Variants in DPEP1 observed in about 807,000 individuals in gnomAD.
DPEP1 encodes the protein dipeptidase 1, also known as beta-lactamase.
Under a neutral mutation model 42.3 loss-of-function variants are expected in DPEP1, and 50 were observed. The observed-to-expected ratio is 1.18, with a 90% CI of 0.94 to 1.50. DPEP1 has a LOEUF of 1.50. Ranked by LOEUF, DPEP1 falls within the 40% of genes most tolerant of loss-of-function variation. The pLI, the probability that DPEP1 is intolerant of heterozygous loss-of-function variation, is 0.00. For synonymous variants in DPEP1, 297 were observed against 234.0 expected (o/e 1.27, Z -2.46); for missense variants, 663 against 553.0 (o/e 1.20, Z -1.99).
intron 1 of DPEP1, among the ~76,000 whole-genome samples, chr16:89,618,075 AT>A (rs1331957254): frequency 6.6e-6 from 1 of 152,202 alleles, no homozygotes; most frequent in Non-Finnish European, 1.5e-5. Context: ...GTCAAGAAAA[AT>A]TAAAATTTTA....
rs911499586 is a variant in DPEP1 at position 89,614,169 on chromosome 16, C to T, written c.-107+450C>T. On this transcript the variant is annotated intron_variant, in intron 1 of 10. Coordinates refer to ENST00000690203, the MANE Select transcript of DPEP1 (RefSeq NM_001389466.1). ...GTGGGAGAGCTGCTCTCAGACCCGC[C>T]GCTGTCCTCCCACTGGCCCTCCCCG... Among the ~76,000 whole-genome samples, 9 of 152,184 alleles carry T rather than the reference C, an allele frequency of 5.9e-5. No individual in the cohort carries two copies. In the East Asian group the frequency reaches 1.2e-3, roughly 20 times the overall value.
intron 1 of DPEP1, among the ~76,000 whole-genome samples, chr16:89,621,683 G>C (rs937490368): frequency 6.6e-6 from 1 of 152,232 alleles, no homozygotes; most frequent in African/African-American, 2.4e-5. Flanking sequence ...AAGGGCTCAG[G>C]TGAGCAGGTG....
intron 1 of DPEP1, among the ~76,000 whole-genome samples, chr16:89,628,894 T>G (rs1053078093): frequency 4.6e-5 from 7 of 151,812 alleles, no homozygotes; most frequent in African/African-American, 1.7e-4. Context: ...TGGCATGATC[T>G]TGGCTCACAG....
rs757835615 is a variant in DPEP1 at position 89,637,446 on chromosome 16, C to T, written c.769-22C>T. 3.1e-6 allele frequency: 5 copies of T among 1,612,838 alleles called. No individual in the cohort carries two copies. In the South Asian group the frequency reaches 5.5e-5, roughly 18 times the overall value. On this transcript the variant is annotated intron_variant, in intron 7 of 10. Coordinates refer to ENST00000690203, the MANE Select transcript of DPEP1 (RefSeq NM_001389466.1). ...CAGGCCCTCCCAGCTCTCAGCTTCA[C>T]CCTGTCTTCCTTCTTGTGCAGAAAC...
chr16:89,640,436 T>C (rs1473306361), downstream of DPEP1, among the ~76,000 whole-genome samples: 3 of 152,094 alleles, frequency 2.0e-5, no homozygotes, highest in African/African-American at 7.2e-5. Flanking sequence ...AGCCAAGCCT[T>C]GGCTGGAGGC....
In DPEP1 at chr16:89,637,275, G is replaced by A. The variant is rs1302285510; in HGVS notation, c.663G>A (p.Lys221=). Residue 221 remains lysine, a synonymous_variant, in exon 7 of 11, where the codon AAG becomes AAA. Transcript: ENST00000690203. The part of the protein sequence containing the change: ...DLAHVSVATM[K]ATLQLSRAPV... Reference sequence around the variant, plus strand: ...CTCACGTGTCTGTGGCCACCATGAAGGCCACCCTGCAGCTGTCCAGAGCCC... The same window carrying A: ...CTCACGTGTCTGTGGCCACCATGAAAGCCACCCTGCAGCTGTCCAGAGCCC... 1.2e-6 allele frequency: 2 copies of A among 1,612,730 alleles called. No individual in the cohort carries two copies. Among genetic ancestry groups the A allele is most frequent in the Non-Finnish European group, 1.7e-6 (2 of 1,179,958 alleles).
At chr16:89,622,248 A>G (rs1051015076) in intron 1 of DPEP1, among the ~76,000 whole-genome samples, 18 of 152,062 alleles carry the variant, frequency 1.2e-4, no homozygotes, top group African/African-American at 4.3e-4. Context: ...CTCTCTCCCT[A>G]AGCCTCACTA....
At chr16:89,638,457 T>A, downstream of DPEP1, 7 of 1,306,534 alleles carry the variant, frequency 5.4e-6, no homozygotes, top group Non-Finnish European at 6.8e-6. Context: ...GTCATCGGCA[T>A]CCGGCTCAGG....
At chr16:89,622,936 G>A (rs1250518508) in intron 1 of DPEP1, among the ~76,000 whole-genome samples, 1 of 152,092 alleles carries the variant, frequency 6.6e-6, no homozygotes, top group Non-Finnish European at 1.5e-5. Flanking sequence ...GTGTTCCAGC[G>A]AGAGACCAGG....
At chr16:89,624,781 C>T (rs767144970) in intron 1 of DPEP1, among the ~76,000 whole-genome samples, 18 of 152,102 alleles carry the variant, frequency 1.2e-4, no homozygotes, top group Non-Finnish European at 2.5e-4. Flanking sequence ...GTGATACACC[C>T]GCCGCACTCT....
chr16:89,636,677 C>T lies in DPEP1; in HGVS notation c.515C>T (p.Thr172Met), dbSNP rs149167696. The change falls in exon 5 of 11, where the codon ACG becomes ATG. Residue 172 changes from threonine (T) to methionine (M), a missense_variant. Coordinates refer to ENST00000690203, the MANE Select transcript of DPEP1 (RefSeq NM_001389466.1). ...CTGACCCTCACCCACAGCTGCAACA[C>T]GCCCTGGTGCGTGACTCCCCATGGG... The part of the protein sequence containing the change: ...RYLTLTHSCN[T>M]PWADNWLVDT... 1.1e-4 allele frequency: 175 copies of T among 1,612,308 alleles called. 1 individual carries two copies. In the African/African-American group the frequency reaches 2.0e-3, roughly 18 times the overall value.
At chr16:89,614,475 C>T (rs1389720449) in intron 1 of DPEP1, among the ~76,000 whole-genome samples, 3 of 152,202 alleles carry the variant, frequency 2.0e-5, no homozygotes, top group Non-Finnish European at 2.9e-5. Flanking sequence ...AATTTCCTTC[C>T]AGGTGGAAAG....
intron 1 of DPEP1, among the ~76,000 whole-genome samples, chr16:89,629,298 C>T (rs960367494): frequency 5.3e-5 from 8 of 152,150 alleles, no homozygotes; most frequent in East Asian, 1.9e-4. Flanking sequence ...GCCAGGAGTT[C>T]GAGACCAGCC....
chr16:89,633,331 A>C (rs1027172649), intron 2 of DPEP1, among the ~76,000 whole-genome samples: 1 of 152,102 alleles, frequency 6.6e-6, no homozygotes, highest in African/African-American at 2.4e-5. Context: ...TTTGGGAGAG[A>C]CTCACACCAG....
In DPEP1 at chr16:89,638,431, A is replaced by T; in HGVS notation, c.*209A>T. The T allele has an allele frequency of 2.3e-6, 3 of 1,327,310 alleles. No homozygotes were observed. The highest frequency in any genetic ancestry group is 2.9e-6 in the Non-Finnish European group (3 of 1,043,474). The allele number at this position is 1,327,310 out of a possible 1,614,324, so 82.2% of individuals were successfully genotyped here. ...CCCGCAATAAAAGCAACACCCCTTCACATCCTGGGGTACGTGTCATCGGCA... is the reference window on the plus strand; with the variant it reads ...CCCGCAATAAAAGCAACACCCCTTCTCATCCTGGGGTACGTGTCATCGGCA... On this transcript the variant is annotated 3_prime_UTR_variant, in exon 11 of 11. Transcript: ENST00000690203.
intron 2 of DPEP1, among the ~76,000 whole-genome samples, chr16:89,634,063 T>A (rs2059626041): frequency 6.6e-6 from 1 of 151,442 alleles, no homozygotes; most frequent in Non-Finnish European, 1.5e-5. Flanking sequence ...AGAGCTGCAT[T>A]TCTATTTTTC....
intron 1 of DPEP1, among the ~76,000 whole-genome samples, chr16:89,616,256 C>T (rs924812959): frequency 1.3e-5 from 2 of 151,988 alleles, no homozygotes; most frequent in Non-Finnish European, 2.9e-5. Flanking sequence ...TAGCCAGTGT[C>T]GACGAAACAG....
At chr16:89,624,925 A>G (rs926096197) in intron 1 of DPEP1, among the ~76,000 whole-genome samples, 1 of 152,106 alleles carries the variant, frequency 6.6e-6, no homozygotes, top group African/African-American at 2.4e-5. Flanking sequence ...GGCTGAGGTA[A>G]ACTGGTGTCT....
chr16:89,616,914 G>C, intron 1 of DPEP1: 1 of 238,980 alleles, frequency 4.2e-6, no homozygotes, highest in South Asian at 3.6e-5. Flanking sequence ...CCAGGAAGCG[G>C]GTAGGAAGCG....
Sources: allele counts gnomAD v4.1 joint callset (sites outside exome capture counted in the v4.1 genomes callset), GRCh38; gene constraint gnomAD v4.1.1; transcripts MANE v1.5; gene names NCBI Gene and HGNC (gene_info 2026-07-23, HGNC 2026-07-21).